AFF1: variants seen among roughly 807,000 people sequenced by gnomAD.
AFF1 encodes AF4/FMR2 family member 1.
A neutral mutation model predicts 121.7 loss-of-function variants in AFF1; 48 were observed. The ratio of observed to expected loss-of-function variants is 0.39; its 90% confidence interval spans 0.31 to 0.50. AFF1 has a LOEUF of 0.50. Ranked by LOEUF, AFF1 falls within the 20% of genes least tolerant of loss-of-function variation. The pLI is 0.76. For missense variants in AFF1, 1,523 were observed against 1,511.7 expected, an observed-to-expected ratio of 1.01 and a Z score of -0.12; for synonymous variants, 613 against 563.0, an observed-to-expected ratio of 1.09 and a Z score of -1.26.
At chr4:87,022,582 A>ATATATATATATATATATATATC (rs1316133807) in intron 2 of AFF1, among the ~76,000 whole-genome samples, 1 of 88,598 alleles carries the variant, frequency 1.1e-5, no homozygotes, top group Non-Finnish European at 2.1e-5. Flanking sequence ...ATATATATAT[A>ATATATATATATATATATATATC]TCTATCTATA....
intron 19 of AFF1, among the ~76,000 whole-genome samples, chr4:87,133,625 C>T (rs1390203454): frequency 6.6e-6 from 1 of 152,194 alleles, no homozygotes; most frequent in Non-Finnish European, 1.5e-5. Flanking sequence ...GTTTTAGGTA[C>T]TGGGGATACA....
At chr4:86,989,439 C>T (rs1339879862) in intron 2 of AFF1, among the ~76,000 whole-genome samples, 1 of 152,258 alleles carries the variant, frequency 6.6e-6, no homozygotes, top group African/African-American at 2.4e-5. Context: ...CTCATCATCA[C>T]TGGTCATTAG....
intron 2 of AFF1, among the ~76,000 whole-genome samples, chr4:87,027,354 TC>T (rs1350937048): frequency 1.3e-5 from 2 of 152,392 alleles, no homozygotes; most frequent in East Asian, 3.9e-4. Flanking sequence ...CATGCACACT[TC>T]TGCTATTTCA....
At chr4:87,007,723 C>T (rs1726310977) in intron 2 of AFF1, among the ~76,000 whole-genome samples, 3 of 152,172 alleles carry the variant, frequency 2.0e-5, no homozygotes, top group South Asian at 4.1e-4. Context: ...TTTCACTTGT[C>T]CGCCCTTGCC....
chr4:87,046,346 G>A, intron 3 of AFF1, 60 bp downstream of exon 3: 2 of 1,574,924 alleles, frequency 1.3e-6, no homozygotes, highest in Admixed American at 1.9e-5. Flanking sequence ...ACCCTATGAT[G>A]AAACAATTCA....
At chr4:86,969,968 A>G (rs1427148383) in intron 2 of AFF1, among the ~76,000 whole-genome samples, 1 of 151,890 alleles carries the variant, frequency 6.6e-6, no homozygotes, top group Non-Finnish European at 1.5e-5. Context: ...AATCAAAGAT[A>G]TCTTATTTTT....
intron 4 of AFF1, among the ~76,000 whole-genome samples, chr4:87,069,653 TC>T (rs1721802049): frequency 6.6e-6 from 1 of 151,306 alleles, no homozygotes; most frequent in African/African-American, 2.4e-5. Context: ...CTCTTCTCCT[TC>T]CCCTCCTTTC....
chr4:86,963,602 T>C (rs1312629048), intron 2 of AFF1, among the ~76,000 whole-genome samples: 2 of 152,180 alleles, frequency 1.3e-5, no homozygotes, highest in Non-Finnish European at 2.9e-5. Context: ...CTTATAAAGA[T>C]CTTATAGGGT....
At chr4:87,047,689 C>G (rs758199300) in intron 4 of AFF1, 95 bp downstream of exon 4, 118 of 1,530,932 alleles carry the variant, frequency 7.7e-5, no homozygotes, top group Non-Finnish European at 1.3e-5. Flanking sequence ...GGAGGTTAGT[C>G]CATGGCTTTT....
intron 2 of AFF1, among the ~76,000 whole-genome samples, chr4:87,017,328 T>A (rs1265358229): frequency 6.6e-6 from 1 of 152,098 alleles, no homozygotes; most frequent in African/African-American, 2.4e-5. Flanking sequence ...AATTTTGCAT[T>A]TGATTATTAG....
At chr4:87,025,721 C>G (rs555361618) in intron 2 of AFF1, among the ~76,000 whole-genome samples, 51 of 152,280 alleles carry the variant, frequency 3.3e-4, no homozygotes, top group African/African-American at 1.2e-3. Context: ...ATACACAGGA[C>G]AGCCCCACCC....
chr4:87,132,214 G>C, intron 18 of AFF1, 57 bp from the exon 19 acceptor site: 1 of 1,575,318 alleles, frequency 6.3e-7, no homozygotes, highest in South Asian at 1.2e-5. Flanking sequence ...AGGTTAGATG[G>C]CTGCTTTTCT....
At chr4:87,058,903 C>T (rs1408587214) in intron 4 of AFF1, among the ~76,000 whole-genome samples, 4 of 152,108 alleles carry the variant, frequency 2.6e-5, no homozygotes, top group East Asian at 3.9e-4. Flanking sequence ...TGGATGAATT[C>T]GAGGAATGCT....
chr4:86,965,664 T>G (rs1446874517), intron 2 of AFF1, among the ~76,000 whole-genome samples: 1 of 152,200 alleles, frequency 6.6e-6, no homozygotes, highest in Non-Finnish European at 1.5e-5. Context: ...TTTGACTCCT[T>G]AAGAGTTACT....
intron 2 of AFF1, among the ~76,000 whole-genome samples, chr4:86,964,927 C>G (rs1722430197): frequency 6.6e-6 from 1 of 152,184 alleles, no homozygotes. Context: ...CTATTTAATC[C>G]TTCAGCACTA....
chr4:87,046,379 G>T (rs1458292688), intron 3 of AFF1, 93 bp downstream of exon 3: 4 of 1,450,364 alleles, frequency 2.8e-6, no homozygotes, highest in Non-Finnish European at 3.7e-6. Context: ...TCGAACAAGG[G>T]TCACAGCTGT....
Position 87,115,006 on chromosome 4 carries a change from G to A in AFF1, c.2173G>A (p.Gly725Ser), listed in dbSNP as rs200953762. 32 of 1,613,680 alleles carry A rather than the reference G, an allele frequency of 2.0e-5. No individual in the cohort carries two copies. Among genetic ancestry groups the A allele is most frequent in the Middle Eastern group, 1.6e-4 (1 of 6,084 alleles). ...CCAGGGCCCACCCCACAGTGGCAGC[G>A]GCAGCAGGACTAGTGGCTGCCGCCA... is the stretch of plus-strand genomic sequence containing the variant. ...ESQGPPHSGSGSRTSGCRQAV... is the reference protein window; with the variant it reads ...ESQGPPHSGSSSRTSGCRQAV... The change falls in exon 12 of 21, where the codon GGC becomes AGC. Residue 725 changes from glycine (G) to serine (S), a missense_variant. Gly to Ser is a moderately conservative substitution (Grantham distance 56). Transcript: ENST00000395146.
chr4:87,132,162 C>T, intron 18 of AFF1, 109 bp from the exon 19 acceptor site: 1 of 1,320,826 alleles, frequency 7.6e-7, no homozygotes, highest in Non-Finnish European at 1.0e-6. Flanking sequence ...CATACTAACT[C>T]ACACAGGTGA....
At chr4:86,977,181 A>G (rs1723364839) in intron 2 of AFF1, among the ~76,000 whole-genome samples, 1 of 147,742 alleles carries the variant, frequency 6.8e-6, no homozygotes, top group Non-Finnish European at 1.5e-5. Flanking sequence ...AGTCACAGAT[A>G]GTACTGCACC....
Sources: gnomAD v4.1 joint callset for allele counts (sites outside exome capture counted in the v4.1 genomes callset) on GRCh38, gnomAD v4.1.1 for gene constraint, MANE v1.5 for transcripts, NCBI Gene and HGNC (gene_info 2026-07-23, HGNC 2026-07-21) for gene names.